Variants in SCARA5 observed in about 807,000 individuals in gnomAD.
The protein encoded by SCARA5 is scavenger receptor class A member 5.
Under a neutral mutation model 46.3 loss-of-function variants are expected in SCARA5, and 45 were observed. The ratio of observed to expected loss-of-function variants is 0.97; its 90% CI spans 0.76 to 1.24. The LOEUF (loss-of-function observed/expected upper bound fraction) is 1.24. Among genes scored for constraint, SCARA5 ranks in the 50% most tolerant of loss-of-function variants. SCARA5 has a pLI of 0.00. For missense variants in SCARA5, 680 were observed against 689.0 expected, an observed-to-expected ratio of 0.99 and a Z score of 0.15; for synonymous variants, 333 against 306.5, an observed-to-expected ratio of 1.09 and a Z score of -0.90.
intron 7 of SCARA5, among the ~76,000 whole-genome samples, chr8:27,891,479 C>T (rs1398119131): frequency 6.6e-6 from 1 of 152,182 alleles, no homozygotes; most frequent in African/African-American, 2.4e-5. Context: ...GCTGGGATTA[C>T]AGGCGTGAGA....
At chr8:27,916,279 TGA>T (rs1395537587) in intron 4 of SCARA5, among the ~76,000 whole-genome samples, 7 of 152,174 alleles carry the variant, frequency 4.6e-5, no homozygotes, top group African/African-American at 1.7e-4. Flanking sequence ...GAGCAAAGCG[TGA>T]GAGTGTGGTG....
intron 3 of SCARA5, among the ~76,000 whole-genome samples, chr8:27,926,211 T>C (rs1372112085): frequency 2.6e-5 from 4 of 152,176 alleles, no homozygotes. Flanking sequence ...TGTCCATCAA[T>C]GATAGACTGG....
intron 2 of SCARA5, among the ~76,000 whole-genome samples, chr8:27,972,010 C>T (rs1487887370): frequency 6.6e-6 from 1 of 152,064 alleles, no homozygotes. Flanking sequence ...TAGTATCTTC[C>T]TATTATACAT....
rs1563519490 is a variant in SCARA5, at chr8:27,905,538, A to AGGGGGGG, written c.1097-705_1097-704insCCCCCCC. On this transcript the variant is annotated intron_variant, in intron 6 of 8. Transcript: ENST00000354914. The stretch of plus-strand genomic sequence containing the variant: ...ATCCAAGATTTGGGGGGGGGAAAAA[A>AGGGGGGG]AAAAGGCAGCCATATACATATATAG... 5.5e-5 allele frequency among the ~76,000 whole-genome samples: 2 copies of AGGGGGGG among 36,564 alleles called. 1 individual carries two copies. The highest frequency in any genetic ancestry group is 1.8e-4 in the Non-Finnish European group (2 of 10,948). The allele number at this position is 36,564 out of a possible 152,430, so 24.0% of individuals were successfully genotyped here.
chr8:27,926,523 C>A (rs149338678), intron 3 of SCARA5, among the ~76,000 whole-genome samples: 3 of 152,092 alleles, frequency 2.0e-5, no homozygotes, highest in African/African-American at 7.2e-5. Flanking sequence ...GTGCAGCAAA[C>A]CAACATGGCA....
Position 27,871,937 on chromosome 8 carries a change from G to A in SCARA5, c.1485C>T (p.His495=), listed in dbSNP as rs1806645317. 5 of 1,614,164 alleles carry A rather than the reference G, an allele frequency of 3.1e-6. No individual in the cohort carries two copies. In the East Asian group the frequency reaches 1.1e-4, roughly 36 times the overall value. ...AEDASVTCNR[H] The stretch of plus-strand genomic sequence containing the variant: ...CGAACTTGGGCTCTGCCCACTTTCA[G>A]TGTCTGTTGCATGTCACGCTGGCAT... Residue 495 remains histidine, a synonymous_variant, in exon 9 of 9, where the codon CAC becomes CAT. Transcript: ENST00000354914.
chr8:27,952,253 C>A (rs1426219971), intron 3 of SCARA5, among the ~76,000 whole-genome samples: 1 of 152,178 alleles, frequency 6.6e-6, no homozygotes, highest in African/African-American at 2.4e-5. Context: ...AGAGGGAGTG[C>A]AGCCTTTGCT....
intron 3 of SCARA5, among the ~76,000 whole-genome samples, chr8:27,939,421 A>G (rs765874990): frequency 1.3e-5 from 2 of 152,120 alleles, no homozygotes; most frequent in Non-Finnish European, 2.9e-5. Context: ...CAGGTCAATG[A>G]GTGAGCTCTG....
Position 27,977,138 on chromosome 8 carries a change from C to T in SCARA5, c.112+10366G>A, listed in dbSNP as rs115808976. On this transcript the variant is annotated intron_variant, in intron 2 of 8. Coordinates refer to ENST00000354914, the MANE Select transcript of SCARA5 (RefSeq NM_173833.6). ...CATGGCAGCAAGAGAGTGAGGGAGC[C>T]GCTGGGGTCCCTTTTATAAGGGCAC... Among the ~76,000 whole-genome samples the T allele has an allele frequency of 6.6e-3, 1,003 of 152,304 alleles. 17 individuals carry two copies. Among genetic ancestry groups the T allele is most frequent in the African/African-American group, 0.023 (951 of 41,566 alleles).
At chr8:27,897,990 T>C (rs564189657) in intron 7 of SCARA5, among the ~76,000 whole-genome samples, 1 of 152,384 alleles carries the variant, frequency 6.6e-6, no homozygotes, top group Non-Finnish European at 1.5e-5. Flanking sequence ...TAAGCATTTT[T>C]TCCCTGCCAG....
intron 2 of SCARA5, among the ~76,000 whole-genome samples, chr8:27,968,211 T>C (rs1808398164): frequency 6.6e-6 from 1 of 152,226 alleles, no homozygotes; most frequent in Non-Finnish European, 1.5e-5. Flanking sequence ...GGTATTGTTA[T>C]ATAAGGAACA....
At chr8:27,889,725 C>T (rs1008868730) in intron 7 of SCARA5, among the ~76,000 whole-genome samples, 5 of 152,210 alleles carry the variant, frequency 3.3e-5, no homozygotes, top group African/African-American at 1.2e-4. Flanking sequence ...CTTGGTTTCT[C>T]CTGAGTCTTA....
At chr8:27,973,688 T>C (rs1808479871) in intron 2 of SCARA5, among the ~76,000 whole-genome samples, 1 of 152,134 alleles carries the variant, frequency 6.6e-6, no homozygotes, top group South Asian at 2.1e-4. Context: ...ACTCTCTGAT[T>C]CAGTGGTGAA....
At chr8:27,968,247 A>G (rs1808398655) in intron 2 of SCARA5, among the ~76,000 whole-genome samples, 1 of 152,200 alleles carries the variant, frequency 6.6e-6, no homozygotes, top group South Asian at 2.1e-4. Flanking sequence ...ACTTCATTTT[A>G]TTACAAATAC....
chr8:27,898,621 T>C (rs1807100997), intron 7 of SCARA5, among the ~76,000 whole-genome samples: 1 of 152,228 alleles, frequency 6.6e-6, no homozygotes, highest in Non-Finnish European at 1.5e-5. Context: ...TTTTTGTCCC[T>C]ACTCCTGAAA....
intron 3 of SCARA5, among the ~76,000 whole-genome samples, chr8:27,925,592 TA>T (rs989935220): frequency 1.3e-5 from 2 of 152,080 alleles, no homozygotes; most frequent in Non-Finnish European, 1.5e-5. Context: ...ACTTCATGAC[TA>T]AAACACCAAA....
intron 2 of SCARA5, among the ~76,000 whole-genome samples, chr8:27,972,971 T>C (rs1808469099): frequency 6.6e-6 from 1 of 152,192 alleles, no homozygotes; most frequent in African/African-American, 2.4e-5. Flanking sequence ...TTATCAACCA[T>C]TATCTCTTTA....
intron 4 of SCARA5, among the ~76,000 whole-genome samples, chr8:27,917,406 A>G (rs1187426323): frequency 4.6e-5 from 7 of 152,070 alleles, no homozygotes; most frequent in African/African-American, 1.7e-4. Context: ...GTGTCTGGGG[A>G]GGTCTGAGAG....
chr8:27,918,345 C>G (rs1188189556), intron 4 of SCARA5, among the ~76,000 whole-genome samples: 1 of 152,056 alleles, frequency 6.6e-6, no homozygotes, highest in African/African-American at 2.4e-5. Flanking sequence ...TAAAACAAAA[C>G]AGGGTAACAA....
Sources: gnomAD v4.1 joint callset for allele counts (sites outside exome capture counted in the v4.1 genomes callset) on GRCh38, gnomAD v4.1.1 for gene constraint, MANE v1.5 for transcripts, NCBI Gene and HGNC (gene_info 2026-07-23, HGNC 2026-07-21) for gene names.